SHISA7: variants seen among roughly 807,000 people sequenced by gnomAD.
The protein encoded by SHISA7 is protein shisa-7.
In SHISA7, 6 loss-of-function variants were observed where a neutral mutation model predicts 23.9. That is an observed-to-expected ratio of 0.25 (90% CI 0.14 to 0.50). The LOEUF (loss-of-function observed/expected upper bound fraction) is 0.50. SHISA7 is among the 20% of genes least tolerant of loss of function. The pLI, the probability that SHISA7 is intolerant of heterozygous loss-of-function variation, is 0.98. For missense variants in SHISA7, 671 were observed against 801.1 expected (o/e 0.84, Z 1.96); for synonymous variants, 386 against 398.3 (o/e 0.97, Z 0.37).
intron 2 of SHISA7, among the ~76,000 whole-genome samples, chr19:55,439,257 A>T (rs559480859): frequency 6.6e-6 from 1 of 152,224 alleles, no homozygotes; most frequent in South Asian, 2.1e-4. Context: ...GGGCCTTTGC[A>T]CATGCCACCA....
chr19:55,439,146 G>C (rs1027285080), intron 2 of SHISA7, among the ~76,000 whole-genome samples: 4 of 152,110 alleles, frequency 2.6e-5, no homozygotes, highest in Non-Finnish European at 5.9e-5. Context: ...GGTGTTTGAG[G>C]CTTCAAAACC....
In SHISA7 at chr19:55,433,266, G is replaced by A; in HGVS notation, c.1507C>T (p.Arg503Cys). The change falls in exon 4 of 4, where the codon CGC (arginine) becomes TGC (cysteine). Residue 503 changes from arginine (R) to cysteine (C), a missense_variant. Arg to Cys is a radical substitution (Grantham distance 180). Coordinates refer to ENST00000376325, the MANE Select transcript of SHISA7 (RefSeq NM_001145176.2). This position sits in a 1 kb window ranked among gnomAD's most constrained non-coding sequence, Gnocchi z 8.4. ...DAGGGGGTLARRPPFQRQGTL... is the reference protein window; with the variant it reads ...DAGGGGGTLACRPPFQRQGTL... ...CCCTGGCGCTGGAAGGGCGGCCTGC[G>A]GGCCAGTGTGCCCCCGCCCCCGCCG... 2 of 1,517,692 alleles carry A rather than the reference G, an allele frequency of 1.3e-6. No homozygotes were observed. The highest frequency in any genetic ancestry group is 1.8e-6 in the Non-Finnish European group (2 of 1,139,520). The allele number at this position is 1,517,692 out of a possible 1,614,324, so 94.0% of individuals were successfully genotyped here.
In SHISA7 at chr19:55,430,741, ACG is replaced by A; in HGVS notation, c.*2413_*2414del. ...GTGACAGCACTGGACCTCATGGATC[ACG>A]GATGATGACACCAGGGTTATGGCGG... is the stretch of plus-strand genomic sequence containing the variant. On this transcript the variant is annotated 3_prime_UTR_variant, in exon 4 of 4. Transcript: ENST00000376325. The A allele has an allele frequency of 7.1e-6, 1 of 141,520 alleles. No individual in the cohort carries two copies. The highest frequency in any genetic ancestry group is 1.5e-5 in the Non-Finnish European group (1 of 65,786). The allele number at this position is 141,520 out of a possible 1,614,324, so 8.8% of individuals were successfully genotyped here. A position where few individuals can be genotyped will look rare whatever the true frequency, so the allele number is the denominator to read the frequency against.
chr19:55,440,886 C>T, intron 1 of SHISA7, 121 bp from the exon 2 acceptor site: 1 of 967,932 alleles, frequency 1.0e-6, no homozygotes, highest in Non-Finnish European at 1.3e-6. Context: ...CTGCCTTTTT[C>T]GCCATTGGCC....
At chr19:55,435,014 G>T (rs1384371036) in intron 3 of SHISA7, among the ~76,000 whole-genome samples, 3 of 112,854 alleles carry the variant, frequency 2.7e-5, no homozygotes, top group African/African-American at 1.2e-4. Context: ...TGTATATGTG[G>T]TGTGTGTGTG....
At chr19:55,440,073 AT>A (rs1246094291) in intron 2 of SHISA7, among the ~76,000 whole-genome samples, 2 of 151,910 alleles carry the variant, frequency 1.3e-5, no homozygotes, top group Admixed American at 6.6e-5. Context: ...CTTACATAGT[AT>A]TTTTTTCTGT....
At chr19:55,437,401 G>A (rs969030143) in intron 3 of SHISA7, among the ~76,000 whole-genome samples, 2 of 152,184 alleles carry the variant, frequency 1.3e-5, no homozygotes, top group African/African-American at 2.4e-5. Context: ...CCTGGGAGGG[G>A]AGACCAGAAG....
chr19:55,440,706 C>T lies in SHISA7; in HGVS notation c.731G>A (p.Arg244Gln), dbSNP rs1395597651. 4 of 1,248,968 alleles carry T rather than the reference C, an allele frequency of 3.2e-6. No individual in the cohort carries two copies. The African/African-American group carries it at 4.7e-5, about 15-fold the overall frequency. The allele number at this position is 1,248,968 out of a possible 1,614,324, so 77.4% of individuals were successfully genotyped here. Residue 244 changes from arginine (R) to glutamine (Q), a missense_variant, in exon 2 of 4, where the codon CGA becomes CAA. Coordinates refer to ENST00000376325, the MANE Select transcript of SHISA7 (RefSeq NM_001145176.2). The stretch of plus-strand genomic sequence containing the variant: ...GATCCCCGGGGTCAGGGAGCTGCTT[C>T]GGGCCCGGTCCGGGCGGGTCCCAGG... ...AGPGTRPDRA[R>Q]SSSLTPGIGG...
rs1555753653 is a variant in SHISA7, at chr19:55,435,366, T to TGTGTGTGTGGTGTATATGTG, written c.977-1590_977-1571dup. Reference sequence around the variant, plus strand: ...TATGGTGTGTATGGTGTGTGTGTGGTGTGTGTGTGGTGTATATGTGGTGTG... The same window carrying TGTGTGTGTGGTGTATATGTG: ...TATGGTGTGTATGGTGTGTGTGTGGTGTGTGTGTGGTGTATATGTGGTGTGTGTGGTGTATATGTGGTGTG... On this transcript the variant is annotated intron_variant, in intron 3 of 3. Transcript: ENST00000376325. 2.2e-3 allele frequency among the ~76,000 whole-genome samples: 218 copies of TGTGTGTGTGGTGTATATGTG among 98,322 alleles called. 3 individuals are homozygous for TGTGTGTGTGGTGTATATGTG. Among genetic ancestry groups the TGTGTGTGTGGTGTATATGTG allele is most frequent in the East Asian group, 0.013 (32 of 2,546 alleles). 64.5% of individuals were successfully genotyped at this position (98,322 alleles called of 152,430 possible).
rs1599870569 is a variant in SHISA7, at chr19:55,433,035, T to C, written c.*121A>G. 3 of 1,222,902 alleles carry C rather than the reference T, an allele frequency of 2.5e-6. No individual in the cohort carries two copies. Among genetic ancestry groups the C allele is most frequent in the Non-Finnish European group, 3.2e-6 (3 of 931,462 alleles). The allele number at this position is 1,222,902 out of a possible 1,614,324, so 75.8% of individuals were successfully genotyped here. A position where few individuals can be genotyped will look rare whatever the true frequency, so the allele number is the denominator to read the frequency against. ...GCCAGGACATCCCAGAAGGAGGCTTTCACTCCTGTCCAAGGGCCGATCTGG... is the reference window on the plus strand; with the variant it reads ...GCCAGGACATCCCAGAAGGAGGCTTCCACTCCTGTCCAAGGGCCGATCTGG... On this transcript the variant is annotated 3_prime_UTR_variant, in exon 4 of 4. Transcript: ENST00000376325. The surrounding 1 kb of genome is among the most constrained non-coding windows in gnomAD (Gnocchi z 8.4).
At chr19:55,435,276 T>C (rs1307617413) in intron 3 of SHISA7, among the ~76,000 whole-genome samples, 2 of 128,264 alleles carry the variant, frequency 1.6e-5, no homozygotes, top group African/African-American at 6.2e-5. Context: ...TGTGCGTGTG[T>C]GCGTGTGTGT....
At chr19:55,435,284 T>C (rs1985419327) in intron 3 of SHISA7, among the ~76,000 whole-genome samples, 1 of 131,906 alleles carries the variant, frequency 7.6e-6, no homozygotes, top group South Asian at 2.5e-4. Flanking sequence ...TGTGCGTGTG[T>C]GTATATGTGG....
intron 2 of SHISA7, 62 bp from the exon 3 acceptor site, chr19:55,437,816 G>GC: frequency 6.7e-7 from 1 of 1,495,366 alleles, no homozygotes; most frequent in Non-Finnish European, 8.9e-7. Context: ...AGGAGTCCAG[G>GC]CCCCCAGCCC....
Position 55,433,531 on chromosome 19 carries a change from C to T in SHISA7, c.1242G>A (p.Leu414=), listed in dbSNP as rs1350338407. 6.7e-7 allele frequency: 1 copy of T among 1,489,434 alleles called. No individual in the cohort carries two copies. The highest frequency in any genetic ancestry group is 8.9e-7 in the Non-Finnish European group (1 of 1,126,418). The allele number at this position is 1,489,434 out of a possible 1,614,324, so 92.3% of individuals were successfully genotyped here. ...GGCGCAGGGCCTCGGGCGAGGACAG[C>T]AGCAGGTGCTCCTGCGACACCAGGC... ...RARLVSQEHL[L]LSSPEALRQS... is the part of the protein sequence containing the mutation. Residue 414 remains leucine, a synonymous_variant, in exon 4 of 4, where the codon CTG becomes CTA. Coordinates refer to ENST00000376325, the MANE Select transcript of SHISA7 (RefSeq NM_001145176.2). The surrounding 1 kb of genome is among the most constrained non-coding windows in gnomAD (Gnocchi z 8.4).
In SHISA7 at chr19:55,442,296, A is replaced by C; in HGVS notation, c.568T>G (p.Cys190Gly). The C allele has an allele frequency of 6.5e-7, 1 of 1,532,192 alleles. No individual in the cohort carries two copies. The highest frequency in any genetic ancestry group is 8.7e-7 in the Non-Finnish European group (1 of 1,145,242). 94.9% of individuals were successfully genotyped at this position (1,532,192 alleles called of 1,614,324 possible). A position where few individuals can be genotyped will look rare whatever the true frequency, so the allele number is the denominator to read the frequency against. Residue 190 changes from cysteine to glycine, a missense_variant, in exon 1 of 4, where the codon TGC becomes GGC. By Grantham distance (159) the Cys-to-Gly change is radical (BLOSUM62 -3). Coordinates refer to ENST00000376325, the MANE Select transcript of SHISA7 (RefSeq NM_001145176.2). ...GCCAGGGCGAAGCTGATGACCCCGC[A>C]CACGACGTAGGCTGTGCTGCCCCCG... The part of the protein sequence containing the change: ...GPGGSTAYVV[C>G]GVISFALAVG...
rs1985267475 is a variant in SHISA7 at position 55,433,570 on chromosome 19, C to T, written c.1203G>A (p.Thr401=). 4.0e-6 allele frequency: 6 copies of T among 1,497,046 alleles called. No homozygotes were observed. The African/African-American group carries it at 4.4e-5, about 11-fold the overall frequency. The allele number at this position is 1,497,046 out of a possible 1,614,324, so 92.7% of individuals were successfully genotyped here. A position where few individuals can be genotyped will look rare whatever the true frequency, so the allele number is the denominator to read the frequency against. ...GCGACACCAGGCGCGCGCGCGGCAG[C>T]GTGAACTCGTAGCGCGAACGGCCAC... ...GDGGRSRYEF[T]LPRARLVSQE... Residue 401 remains threonine, a synonymous_variant, in exon 4 of 4, where the codon ACG becomes ACA. Transcript: ENST00000376325. This position sits in a 1 kb window ranked among gnomAD's most constrained non-coding sequence, Gnocchi z 8.4.
rs1361070874 is a variant in SHISA7, at chr19:55,430,787, A to G, written c.*2369T>C. On this transcript the variant is annotated 3_prime_UTR_variant, in exon 4 of 4. Transcript: ENST00000376325. ...ATGGCGGATCCTAGTGGATGGTGACAGCACTGGACCTCATGGATCCTGGGA... is the reference window on the plus strand; with the variant it reads ...ATGGCGGATCCTAGTGGATGGTGACGGCACTGGACCTCATGGATCCTGGGA... 1.3e-5 allele frequency: 2 copies of G among 148,434 alleles called. No individual in the cohort carries two copies. Among genetic ancestry groups the G allele is most frequent in the Non-Finnish European group, 3.0e-5 (2 of 67,762 alleles). The allele number at this position is 148,434 out of a possible 1,614,324, so 9.2% of individuals were successfully genotyped here.
In SHISA7 at chr19:55,440,470, G is replaced by A. The variant is rs1985570084; in HGVS notation, c.826+141C>T. On this transcript the variant is annotated intron_variant, in intron 2 of 3. Transcript: ENST00000376325. ...GCCCCCGTCCGCCTTTCGCAGGGCAGGACCCGGCAGTGCAAGGCGGGCGTA... is the reference window on the plus strand; with the variant it reads ...GCCCCCGTCCGCCTTTCGCAGGGCAAGACCCGGCAGTGCAAGGCGGGCGTA... 12 of 790,302 alleles carry A rather than the reference G, an allele frequency of 1.5e-5. No homozygotes were observed. In the East Asian group the frequency reaches 4.0e-4, roughly 27 times the overall value. The allele number at this position is 790,302 out of a possible 1,614,324, so 49.0% of individuals were successfully genotyped here. A position where few individuals can be genotyped will look rare whatever the true frequency, so the allele number is the denominator to read the frequency against.
At chr19:55,440,443 T>C (rs996561662) in intron 2 of SHISA7, among the ~76,000 whole-genome samples, 168 bp downstream of exon 2, 2 of 152,178 alleles carry the variant, frequency 1.3e-5, no homozygotes, top group Non-Finnish European at 2.9e-5. Context: ...ACGGAGTTCC[T>C]AGCCCCCGTC....
Sources: gnomAD v4.1 joint callset for allele counts (sites outside exome capture counted in the v4.1 genomes callset) on GRCh38, gnomAD v4.1.1 for gene constraint, Gnocchi (gnomAD v3.1) non-coding constraint, MANE v1.5 for transcripts, NCBI Gene and HGNC (gene_info 2026-07-23, HGNC 2026-07-21) for gene names.